KLF12: variants seen among roughly 807,000 people sequenced by gnomAD.
KLF12 encodes KLF transcription factor 12.
In KLF12, 9 loss-of-function variants were observed where a neutral mutation model predicts 37.8. That is an observed-to-expected ratio of 0.24 (90% CI 0.14 to 0.42). The LOEUF (loss-of-function observed/expected upper bound fraction) is 0.42. Among genes scored for constraint, KLF12 ranks in the 10% least tolerant of loss-of-function variants. The pLI, the probability that KLF12 is intolerant of heterozygous loss-of-function variation, is 1.00. For missense variants in KLF12, 411 were observed against 516.0 expected, an observed-to-expected ratio of 0.80 and a Z score of 1.97; for synonymous variants, 208 against 202.1, an observed-to-expected ratio of 1.03 and a Z score of -0.25.
the KLF12 span, among the ~76,000 whole-genome samples, chr13:74,211,486 A>G: frequency 6.6e-6 from 1 of 152,168 alleles, no homozygotes. Flanking sequence ...AAGGCAGATA[A>G]ATAGTTTTGA....
At chr13:73,712,748 G>C (rs1464696934) in intron 7 of KLF12, among the ~76,000 whole-genome samples, 4 of 152,158 alleles carry the variant, frequency 2.6e-5, no homozygotes, top group African/African-American at 7.2e-5. Context: ...TCAGTCAGCA[G>C]CCATCAACAC....
the KLF12 span, among the ~76,000 whole-genome samples, chr13:74,286,221 G>A: frequency 5.8e-4 from 89 of 152,174 alleles, 2 homozygotes; most frequent in East Asian, 0.016. Flanking sequence ...AAGAGGGTGT[G>A]CCACACTGAA....
chr13:74,298,027 A>G, the KLF12 span, among the ~76,000 whole-genome samples: 1 of 152,192 alleles, frequency 6.6e-6, no homozygotes, highest in Non-Finnish European at 1.5e-5. Flanking sequence ...CCGACTGGAA[A>G]TCAAGGTCTA....
At chr13:74,189,912 G>A in the KLF12 span, among the ~76,000 whole-genome samples, 2,128 of 151,800 alleles carry the variant, frequency 0.014, 48 homozygotes, top group African/African-American at 0.045. Flanking sequence ...TCGACTAGTC[G>A]AAACATTAAA....
chr13:73,849,375 TAAAAAAAAAAAAAAA>T (rs574332239), intron 3 of KLF12, among the ~76,000 whole-genome samples: 5 of 98,986 alleles, frequency 5.1e-5, no homozygotes, highest in African/African-American at 2.4e-4. Context: ...GGAGACTCCA[TAAAAAAAAAAAAAAA>T]AAAAAAAAAA....
chr13:73,732,423 T>C (rs1877135451), intron 6 of KLF12, among the ~76,000 whole-genome samples: 1 of 152,116 alleles, frequency 6.6e-6, no homozygotes, highest in Non-Finnish European at 1.5e-5. Flanking sequence ...GAGAGAAATC[T>C]GGGGTTCAGT....
intron 6 of KLF12, among the ~76,000 whole-genome samples, chr13:73,763,219 T>C (rs1566350695): frequency 6.6e-6 from 1 of 152,176 alleles, no homozygotes; most frequent in Non-Finnish European, 1.5e-5. Flanking sequence ...AAACATTATA[T>C]TATAAATATA....
chr13:74,061,621 A>G (rs889662517), intron 1 of KLF12, among the ~76,000 whole-genome samples: 124 of 152,164 alleles, frequency 8.1e-4, no homozygotes, highest in African/African-American at 2.2e-3. Flanking sequence ...CCCAAGTTCT[A>G]GCAAATAATG....
chr13:73,985,594 ACT>A (rs1205075816), intron 2 of KLF12, among the ~76,000 whole-genome samples: 2 of 151,270 alleles, frequency 1.3e-5, no homozygotes, highest in African/African-American at 4.9e-5. Context: ...GGCTCTAACG[ACT>A]CTCCATGTGT....
intron 1 of KLF12, among the ~76,000 whole-genome samples, chr13:74,105,379 A>G (rs1876598553): frequency 6.6e-6 from 1 of 152,206 alleles, no homozygotes; most frequent in South Asian, 2.1e-4. Flanking sequence ...ATTTTTAAAA[A>G]ATATTAATCT....
At chr13:73,891,682 T>G (rs780831732) in intron 3 of KLF12, among the ~76,000 whole-genome samples, 12 of 152,152 alleles carry the variant, frequency 7.9e-5, no homozygotes, top group Non-Finnish European at 1.8e-4. Flanking sequence ...TCTTTCTGGG[T>G]AGGTATACTG....
chr13:74,116,692 T>A (rs937528928), intron 1 of KLF12, among the ~76,000 whole-genome samples: 5 of 152,196 alleles, frequency 3.3e-5, no homozygotes, highest in Admixed American at 3.3e-4. Context: ...GAAACTAGGA[T>A]AGAAATTTCA....
chr13:73,933,232 T>C (rs1889766082), intron 3 of KLF12, among the ~76,000 whole-genome samples: 1 of 152,180 alleles, frequency 6.6e-6, no homozygotes, highest in African/African-American at 2.4e-5. Flanking sequence ...GAGGCCTACT[T>C]TGATATGAAT....
At chr13:74,059,310 T>C (rs1157678768) in intron 1 of KLF12, among the ~76,000 whole-genome samples, 2 of 152,194 alleles carry the variant, frequency 1.3e-5, no homozygotes, top group South Asian at 2.1e-4. Flanking sequence ...AGCAGTGGGA[T>C]TGCTGGGTTG....
At chr13:74,244,727 G>C in the KLF12 span, among the ~76,000 whole-genome samples, 1 of 152,142 alleles carries the variant, frequency 6.6e-6, no homozygotes, top group African/African-American at 2.4e-5. Context: ...GGATTCTAAT[G>C]TGTATTGTCC....
At chr13:74,122,492 G>A (rs1877688759) in intron 1 of KLF12, among the ~76,000 whole-genome samples, 1 of 152,082 alleles carries the variant, frequency 6.6e-6, no homozygotes, top group Non-Finnish European at 1.5e-5. Context: ...TCAAAGCAAT[G>A]TGGCAACATT....
intron 2 of KLF12, among the ~76,000 whole-genome samples, chr13:73,969,253 T>C (rs569272984): frequency 6.6e-6 from 1 of 152,158 alleles, no homozygotes; most frequent in South Asian, 2.1e-4. Flanking sequence ...TCAAAGTTTA[T>C]ACTGCCTGAA....
At chr13:73,747,549 T>C (rs1878456669) in intron 6 of KLF12, among the ~76,000 whole-genome samples, 1 of 152,216 alleles carries the variant, frequency 6.6e-6, no homozygotes, top group Admixed American at 6.5e-5. Flanking sequence ...GATTACATAA[T>C]TAATGTTAGC....
intron 1 of KLF12, among the ~76,000 whole-genome samples, chr13:74,052,154 GAACT>G (rs1330117055): frequency 3.3e-5 from 5 of 150,624 alleles, no homozygotes; most frequent in South Asian, 2.1e-4. Flanking sequence ...AAAAAAGAAA[GAACT>G]AACTTTTTAG....
Sources: allele counts gnomAD v4.1 joint callset (sites outside exome capture counted in the v4.1 genomes callset), GRCh38; gene constraint gnomAD v4.1.1; transcripts MANE v1.5; gene names NCBI Gene and HGNC (gene_info 2026-07-23, HGNC 2026-07-21).